Variants in SAMD13 observed in about 807,000 individuals in gnomAD.
The protein encoded by SAMD13 is sterile alpha motif domain containing 13.
A neutral mutation model predicts 12.4 loss-of-function variants in SAMD13; 9 were observed. That is an observed-to-expected ratio of 0.72 (90% confidence interval 0.44 to 1.26). The LOEUF (loss-of-function observed/expected upper bound fraction) is 1.26, where lower values mean the gene tolerates loss of function less well. Among genes scored for constraint, SAMD13 ranks in the 50% most tolerant of loss-of-function variants. The probability of loss-of-function intolerance (pLI) is 0.00; values close to 1 mark genes in which losing one functional copy is unlikely to be tolerated. For synonymous variants in SAMD13, 46 were observed against 45.4 expected (o/e 1.01, Z -0.05); for missense variants, 84 against 119.6 (o/e 0.70, Z 1.39).
intron 2 of SAMD13, among the ~76,000 whole-genome samples, chr1:84,309,394 C>T (rs1254033321): frequency 6.6e-6 from 1 of 152,180 alleles, no homozygotes; most frequent in East Asian, 1.9e-4. Context: ...CAGGTCTTCT[C>T]ATTTCAAATT....
chr1:84,320,619 A>C (rs1343442373), intron 2 of SAMD13, among the ~76,000 whole-genome samples: 2 of 152,348 alleles, frequency 1.3e-5, no homozygotes, highest in East Asian at 3.9e-4. Flanking sequence ...AATCAGAATT[A>C]AATTGCTTTT....
intron 3 of SAMD13, among the ~76,000 whole-genome samples, chr1:84,344,287 C>T (rs1247425804): frequency 6.6e-6 from 1 of 152,194 alleles, no homozygotes; most frequent in Non-Finnish European, 1.5e-5. Flanking sequence ...ACACAAACAG[C>T]TTCTCTCTGA....
At chr1:84,338,514 T>G (rs1217929486) in intron 3 of SAMD13, among the ~76,000 whole-genome samples, 2 of 141,958 alleles carry the variant, frequency 1.4e-5, no homozygotes, top group Non-Finnish European at 3.0e-5. Flanking sequence ...CTCAGCTCAC[T>G]CCAACCTCTG....
intron 3 of SAMD13, among the ~76,000 whole-genome samples, chr1:84,348,504 A>G (rs183114720): frequency 4.0e-5 from 6 of 151,092 alleles, no homozygotes; most frequent in African/African-American, 7.2e-5. Flanking sequence ...CTCACCGACC[A>G]TGCACAGCTG....
intron 2 of SAMD13, among the ~76,000 whole-genome samples, chr1:84,307,342 C>G (rs1287602972): frequency 6.6e-6 from 1 of 152,146 alleles, no homozygotes; most frequent in African/African-American, 2.4e-5. Context: ...ATGCATTTTT[C>G]ATTTCAGACA....
rs918164708 is a variant in SAMD13, at chr1:84,325,525, T to C, written c.54-112T>C. On this transcript the variant is annotated intron_variant, in intron 2 of 3. Coordinates refer to ENST00000394834, the MANE Select transcript of SAMD13 (RefSeq NM_001134663.2). ...GTGACTAAGCCAGTGAGAGTAATCA[T>C]CATCTGAACCCAAAAAACATGAAAG... 19 of 675,576 alleles carry C rather than the reference T, an allele frequency of 2.8e-5. No individual in the cohort carries two copies. The African/African-American group carries it at 3.1e-4, about 11-fold the overall frequency. The allele number at this position is 675,576 out of a possible 1,614,324, so 41.8% of individuals were successfully genotyped here. A position where few individuals can be genotyped will look rare whatever the true frequency, so the allele number is the denominator to read the frequency against.
intron 2 of SAMD13, among the ~76,000 whole-genome samples, chr1:84,318,185 A>G (rs1423413753): frequency 1.3e-5 from 2 of 151,358 alleles, no homozygotes; most frequent in South Asian, 2.1e-4. Flanking sequence ...CCTTTGTCCA[A>G]TTTCTTAAGG....
intron 3 of SAMD13, among the ~76,000 whole-genome samples, chr1:84,328,526 C>T (rs1679108020): frequency 6.6e-6 from 1 of 152,104 alleles, no homozygotes; most frequent in Non-Finnish European, 1.5e-5. Flanking sequence ...CTCCTTTTCC[C>T]ATTAAAGGAC....
chr1:84,333,080 TG>T (rs1679224816), intron 3 of SAMD13, among the ~76,000 whole-genome samples: 1 of 152,198 alleles, frequency 6.6e-6, no homozygotes. Flanking sequence ...TCTGTTACAT[TG>T]GTCTATGTGT....
At chr1:84,330,722 T>C (rs1679160713) in intron 3 of SAMD13, among the ~76,000 whole-genome samples, 1 of 152,200 alleles carries the variant, frequency 6.6e-6, no homozygotes, top group South Asian at 2.1e-4. Flanking sequence ...TTCATTTCTA[T>C]GTCTTTGTCT....
At position 84,343,557 on chromosome 1, in the gene SAMD13, A is replaced by G. The variant is rs185329510; in HGVS notation, c.166-6074A>G. Among the ~76,000 whole-genome samples the G allele has an allele frequency of 3.4e-3, 520 of 152,328 alleles. 5 individuals are homozygous for G. The highest frequency in any genetic ancestry group is 0.011 in the African/African-American group (472 of 41,560). On this transcript the variant is annotated intron_variant, in intron 3 of 3. Coordinates refer to ENST00000394834, the MANE Select transcript of SAMD13 (RefSeq NM_001134663.2). ...GAATGAGACCATGTCATTTGCAGGG[A>G]CATGGATGGAGCTGGAAGCCATTAT...
At chr1:84,328,608 G>T (rs1160173437) in intron 3 of SAMD13, among the ~76,000 whole-genome samples, 3 of 152,130 alleles carry the variant, frequency 2.0e-5, no homozygotes, top group Non-Finnish European at 4.4e-5. Flanking sequence ...TATTCATGAG[G>T]ACTGAGGATT....
At chr1:84,306,123 T>C (rs537890324) in intron 2 of SAMD13, among the ~76,000 whole-genome samples, 2 of 152,316 alleles carry the variant, frequency 1.3e-5, no homozygotes, top group Non-Finnish European at 2.9e-5. Context: ...AGTATTTTTC[T>C]CCATTTGCTT....
At chr1:84,305,463 T>C (rs901213448) in intron 2 of SAMD13, among the ~76,000 whole-genome samples, 1 of 152,120 alleles carries the variant, frequency 6.6e-6, no homozygotes, top group Non-Finnish European at 1.5e-5. Context: ...TTTCATTCTC[T>C]CCATAGCATC....
At chr1:84,340,928 C>T (rs1314327428) in intron 3 of SAMD13, among the ~76,000 whole-genome samples, 1 of 152,196 alleles carries the variant, frequency 6.6e-6, no homozygotes, top group East Asian at 1.9e-4. Context: ...GGGTGAACAT[C>T]ACCTCATCCC....
At chr1:84,318,971 G>A (rs188761804) in intron 2 of SAMD13, among the ~76,000 whole-genome samples, 4 of 152,114 alleles carry the variant, frequency 2.6e-5, no homozygotes, top group East Asian at 1.9e-4. Context: ...TTAAAACATC[G>A]TATTTTAAAT....
intron 2 of SAMD13, among the ~76,000 whole-genome samples, chr1:84,324,143 G>T (rs1222040522): frequency 6.6e-6 from 1 of 152,064 alleles, no homozygotes; most frequent in Non-Finnish European, 1.5e-5. Flanking sequence ...ATGATCTCTG[G>T]GTTGCATGAC....
chr1:84,332,148 G>A (rs1357378187), intron 3 of SAMD13, among the ~76,000 whole-genome samples: 1 of 152,122 alleles, frequency 6.6e-6, no homozygotes, highest in Non-Finnish European at 1.5e-5. Flanking sequence ...TAGGCACTTA[G>A]GTTGATTTCA....
Position 84,331,354 on chromosome 1 carries a change from A to AAAAAAAAC in SAMD13, c.165+5610_165+5611insAAACAAAA, listed in dbSNP as rs553761794. ...AAAAAAAAAAAAAAAAAAAAAAAAAAAAAATTATGGATACAAACTTGTTAA... is the reference window on the plus strand; with the variant it reads ...AAAAAAAAAAAAAAAAAAAAAAAAAAAAAAAAACAAAATTATGGATACAAACTTGTTAA... On this transcript the variant is annotated intron_variant, in intron 3 of 3. Coordinates refer to ENST00000394834, the MANE Select transcript of SAMD13 (RefSeq NM_001134663.2). Among the ~76,000 whole-genome samples, 306 of 82,236 alleles carry AAAAAAAAC rather than the reference A, an allele frequency of 3.7e-3. 32 individuals carry two copies. The highest frequency in any genetic ancestry group is 4.7e-3 in the Admixed American group (29 of 6,138). 54.0% of individuals were successfully genotyped at this position (82,236 alleles called of 152,430 possible).
Sources: allele counts gnomAD v4.1 joint callset (sites outside exome capture counted in the v4.1 genomes callset), GRCh38; gene constraint gnomAD v4.1.1; transcripts MANE v1.5; gene names NCBI Gene and HGNC (gene_info 2026-07-23, HGNC 2026-07-21).